Variants in USP19 observed in about 807,000 individuals in gnomAD.
USP19 encodes the protein ubiquitin specific peptidase 19, also known as ubiquitin carboxyl-terminal hydrolase 19.
Under a neutral mutation model 144.8 loss-of-function variants are expected in USP19, and 40 were observed. The ratio of observed to expected loss-of-function variants is 0.28; its 90% CI spans 0.21 to 0.36. The LOEUF (loss-of-function observed/expected upper bound fraction) is 0.36, where lower values mean the gene tolerates loss of function less well. USP19 is among the 10% of genes least tolerant of loss of function. USP19 has a pLI of 1.00. For missense variants in USP19, 1,518 were observed against 1,822.5 expected (o/e 0.83, Z 3.04); for synonymous variants, 701 against 709.3 (o/e 0.99, Z 0.19).
intron 17 of USP19, among the ~76,000 whole-genome samples, chr3:49,113,319 C>T (rs2043488988): frequency 1.3e-5 from 2 of 152,134 alleles, no homozygotes; most frequent in African/African-American, 2.4e-5. Flanking sequence ...CTCTGTCACC[C>T]AGGCTGGAGT....
rs374037563 is a variant in USP19, at chr3:49,113,516, G to A, written c.2505+476C>T. On this transcript the variant is annotated intron_variant, in intron 17 of 26. Coordinates refer to ENST00000417901, the MANE Select transcript of USP19 (RefSeq NM_001199161.2). ...GGTGGTCTGGATCTCCTGACCTTGT[G>A]ATCCATCAGCCTTGGCCTCCCAAAG... 1.5e-3 allele frequency among the ~76,000 whole-genome samples: 224 copies of A among 152,246 alleles called. 8 individuals carry two copies. In the South Asian group the frequency reaches 0.045, roughly 31 times the overall value.
chr3:49,113,331 C>T (rs2043491851), intron 17 of USP19, among the ~76,000 whole-genome samples: 1 of 152,058 alleles, frequency 6.6e-6, no homozygotes, highest in Admixed American at 6.6e-5. Flanking sequence ...GGCTGGAGTG[C>T]AGTGGCGCGA....
At position 49,110,148 on chromosome 3, in the gene USP19, C is replaced by T. The variant is rs779211724; in HGVS notation, c.4038+36G>A. The T allele has an allele frequency of 6.0e-6, 9 of 1,491,728 alleles. No individual in the cohort carries two copies. The highest frequency in any genetic ancestry group is 1.8e-4 in the Middle Eastern group (1 of 5,524). 92.4% of individuals were successfully genotyped at this position (1,491,728 alleles called of 1,614,324 possible). A position where few individuals can be genotyped will look rare whatever the true frequency, so the allele number is the denominator to read the frequency against. Reference sequence around the variant, plus strand: ...AACCCGGCCCCAGTCTGTGAACTGTCCCCCAGTATTCTGTAAAGCCTCCCA... The same window carrying T: ...AACCCGGCCCCAGTCTGTGAACTGTTCCCCAGTATTCTGTAAAGCCTCCCA... On this transcript the variant is annotated intron_variant, in intron 26 of 26. Transcript: ENST00000417901. The surrounding 1 kb of genome is among the most constrained non-coding windows in gnomAD (Gnocchi z 6.1).
rs760657712 is a variant in USP19 at position 49,115,410 on chromosome 3, T to C, written c.1888+34A>G. On this transcript the variant is annotated intron_variant, in intron 12 of 26. Coordinates refer to ENST00000417901, the MANE Select transcript of USP19 (RefSeq NM_001199161.2). This position sits in a 1 kb window ranked among gnomAD's most constrained non-coding sequence, Gnocchi z 6.6. The stretch of plus-strand genomic sequence containing the variant: ...GTGTGAGGAACAAAGGCACTCTCTC[T>C]GCCCATAACCCAGGCTCCAGGCCCT... The C allele has an allele frequency of 3.1e-6, 5 of 1,613,640 alleles. No homozygotes were observed. In the African/African-American group the frequency reaches 6.7e-5, roughly 22 times the overall value.
At position 49,111,860 on chromosome 3, in the gene USP19, A is replaced by G; in HGVS notation, c.2904-47T>C. The G allele has an allele frequency of 6.2e-7, 1 of 1,603,870 alleles. No individual in the cohort carries two copies. Among genetic ancestry groups the G allele is most frequent in the Non-Finnish European group, 8.5e-7 (1 of 1,173,872 alleles). On this transcript the variant is annotated intron_variant, in intron 20 of 26. Transcript: ENST00000417901. This position sits in a 1 kb window ranked among gnomAD's most constrained non-coding sequence, Gnocchi z 5.9. The stretch of plus-strand genomic sequence containing the variant: ...AGTAAGACTCCTGACCAGCCCATCT[A>G]GCACCTCTGCCCCCACCTACACCAC...
rs748957803 is a variant in USP19, at chr3:49,112,054, G to A, written c.2766-6C>T. 9.9e-6 allele frequency: 16 copies of A among 1,613,670 alleles called. No homozygotes were observed. The highest frequency in any genetic ancestry group is 4.0e-5 in the African/African-American group (3 of 74,932). On this transcript the variant is annotated splice_region_variant and splice_polypyrimidine_tract_variant and intron_variant, in intron 19 of 26. Transcript: ENST00000417901. The surrounding 1 kb of genome is among the most constrained non-coding windows in gnomAD (Gnocchi z 4.9). Reference sequence around the variant, plus strand: ...AGTGGGTTTTCTGGCAGAGCCTGACGGGAAGAGGAAGACAAGGATAGGCCC... The same window carrying A: ...AGTGGGTTTTCTGGCAGAGCCTGACAGGAAGAGGAAGACAAGGATAGGCCC...
chr3:49,118,477 T>C lies in USP19; in HGVS notation c.125-357A>G, dbSNP rs144254194. Among the ~76,000 whole-genome samples the C allele has an allele frequency of 5.9e-3, 896 of 150,846 alleles. 9 individuals are homozygous for C. Among genetic ancestry groups the C allele is most frequent in the African/African-American group, 0.021 (853 of 41,020 alleles). Reference sequence around the variant, plus strand: ...CAGCTACTTGGGAGGCTGAGGCTACTTGGGAGGCTGAGGCAGCAGAATCAC... The same window carrying C: ...CAGCTACTTGGGAGGCTGAGGCTACCTGGGAGGCTGAGGCAGCAGAATCAC... On this transcript the variant is annotated intron_variant, in intron 2 of 26. Transcript: ENST00000417901.
Position 49,111,005 on chromosome 3 carries a change from C to T in USP19, c.3490G>A (p.Asp1164Asn), listed in dbSNP as rs1319397356. 4.3e-6 allele frequency: 7 copies of T among 1,613,928 alleles called. No individual in the cohort carries two copies. The highest frequency in any genetic ancestry group is 1.7e-6 in the Non-Finnish European group (2 of 1,180,042). Residue 1164 changes from aspartate to asparagine, a missense_variant, in exon 23 of 27, where the codon GAC (aspartate) becomes AAC (asparagine). Transcript: ENST00000417901. This position sits in a 1 kb window ranked among gnomAD's most constrained non-coding sequence, Gnocchi z 5.9. ...EAARAGHFTL[D>N]QCLNLFTRPE... ...CGTGTGAAGAGGTTGAGGCACTGGTCCAGGGTGAAGTGGCCGGCCCGGGCA... is the reference window on the plus strand; with the variant it reads ...CGTGTGAAGAGGTTGAGGCACTGGTTCAGGGTGAAGTGGCCGGCCCGGGCA...
Position 49,117,107 on chromosome 3 carries a change from AGGGTCAT to A in USP19, c.854_860del (p.Asp285ValfsTer29). On this transcript the variant is annotated frameshift_variant, in exon 6 of 27. Coordinates refer to ENST00000417901, the MANE Select transcript of USP19 (RefSeq NM_001199161.2). LOFTEE classifies it high-confidence loss of function. This position sits in a 1 kb window ranked among gnomAD's most constrained non-coding sequence, Gnocchi z 4.4. ...AGGGTGGGGCATCACCCCGGGGTCC[AGGGTCAT>A]CCCTGGACCCGTCCCCCTCTGGCCC... The A allele has an allele frequency of 6.5e-7, 1 of 1,531,854 alleles. No homozygotes were observed. The highest frequency in any genetic ancestry group is 8.8e-7 in the Non-Finnish European group (1 of 1,136,794). 94.9% of individuals were successfully genotyped at this position (1,531,854 alleles called of 1,614,324 possible). A position where few individuals can be genotyped will look rare whatever the true frequency, so the allele number is the denominator to read the frequency against.
rs2043829145 is a variant in USP19, at chr3:49,114,939, C to T, written c.2181+20G>A. The T allele has an allele frequency of 6.2e-7, 1 of 1,614,158 alleles. No homozygotes were observed. On this transcript the variant is annotated intron_variant, in intron 14 of 26. Coordinates refer to ENST00000417901, the MANE Select transcript of USP19 (RefSeq NM_001199161.2). This position sits in a 1 kb window ranked among gnomAD's most constrained non-coding sequence, Gnocchi z 4.5. ...TGGGATGCTCATGAGACATGCCCACCCTCTGTCCCTAACCCTGACCTCATC... is the reference window on the plus strand; with the variant it reads ...TGGGATGCTCATGAGACATGCCCACTCTCTGTCCCTAACCCTGACCTCATC...
At position 49,116,410 on chromosome 3, in the gene USP19, C is replaced by T. The variant is rs777968375; in HGVS notation, c.1283+41G>A. On this transcript the variant is annotated intron_variant, in intron 8 of 26. Transcript: ENST00000417901. The surrounding 1 kb of genome is among the most constrained non-coding windows in gnomAD (Gnocchi z 5.0). ...AGAGGAAGAGCATGAGACATACTGT[C>T]CCACCTGAGGCATTGTTTGCCCCAT... is the stretch of plus-strand genomic sequence containing the variant. 1.2e-6 allele frequency: 2 copies of T among 1,613,990 alleles called. No homozygotes were observed. Among genetic ancestry groups the T allele is most frequent in the East Asian group, 2.2e-5 (1 of 44,872 alleles).
intron 17 of USP19, among the ~76,000 whole-genome samples, chr3:49,113,745 T>C (rs2043592338): frequency 6.6e-6 from 1 of 152,128 alleles, no homozygotes; most frequent in Admixed American, 6.6e-5. Flanking sequence ...CTATAACACG[T>C]ACCACCATGC....
Position 49,116,777 on chromosome 3 carries a change from C to A in USP19, c.1076G>T (p.Cys359Phe), listed in dbSNP as rs1159084027. 6.8e-6 allele frequency: 11 copies of A among 1,613,742 alleles called. No homozygotes were observed. Among genetic ancestry groups the A allele is most frequent in the Admixed American group, 3.3e-5 (2 of 59,986 alleles). The change falls in exon 7 of 27, where the codon TGT becomes TTT. Residue 359 changes from cysteine (C) to phenylalanine (F), a missense_variant. Transcript: ENST00000417901. The surrounding 1 kb of genome is among the most constrained non-coding windows in gnomAD (Gnocchi z 5.0). The part of the protein sequence containing the change: ...VRSRNPGKDD[C>F]AKEEMAVAAD... The stretch of plus-strand genomic sequence containing the variant: ...TGCCACTGCCATCTCCTCCTTGGCA[C>A]AGTCATCTTTCCCAGGGTTTCTGCT...
At chr3:49,109,832 G>A (rs948206986) in intron 26 of USP19, among the ~76,000 whole-genome samples, 3 of 152,220 alleles carry the variant, frequency 2.0e-5, no homozygotes, top group Non-Finnish European at 4.4e-5. Flanking sequence ...ACAAGTGAGG[G>A]TGTGTGGGCC....
intron 17 of USP19, among the ~76,000 whole-genome samples, chr3:49,113,532 C>A (rs1360102449): frequency 6.6e-6 from 1 of 152,010 alleles, no homozygotes; most frequent in Non-Finnish European, 1.5e-5. Flanking sequence ...TCAGCCTTGG[C>A]CTCCCAAAGA....
chr3:49,109,193 A>G (rs1352549321), intron 26 of USP19: 3 of 1,462,862 alleles, frequency 2.1e-6, no homozygotes, highest in East Asian at 2.5e-5. Context: ...AGCCTAGGGT[A>G]TGTGGAAACG....
In USP19 at chr3:49,115,153, T is replaced by C. The variant is rs551909071; in HGVS notation, c.2023-36A>G. The C allele has an allele frequency of 6.2e-7, 1 of 1,613,120 alleles. No homozygotes were observed. Among genetic ancestry groups the C allele is most frequent in the Admixed American group, 1.7e-5 (1 of 60,002 alleles). ...GAGCCAAGGTGTGAACATGAAGCCCTAGCACCCACTGCACACCCAGCTGGC... is the reference window on the plus strand; with the variant it reads ...GAGCCAAGGTGTGAACATGAAGCCCCAGCACCCACTGCACACCCAGCTGGC... On this transcript the variant is annotated intron_variant, in intron 13 of 26. Coordinates refer to ENST00000417901, the MANE Select transcript of USP19 (RefSeq NM_001199161.2). This position sits in a 1 kb window ranked among gnomAD's most constrained non-coding sequence, Gnocchi z 6.6.
intron 26 of USP19, among the ~76,000 whole-genome samples, chr3:49,109,472 A>C (rs940748365): frequency 1.3e-5 from 2 of 152,194 alleles, no homozygotes. Context: ...ATTTCAGTCC[A>C]GGCCTCCCCA....
In USP19 at chr3:49,112,188, A is replaced by G. The variant is rs1393622316; in HGVS notation, c.2765+96T>C. On this transcript the variant is annotated intron_variant, in intron 19 of 26. Coordinates refer to ENST00000417901, the MANE Select transcript of USP19 (RefSeq NM_001199161.2). The surrounding 1 kb of genome is among the most constrained non-coding windows in gnomAD (Gnocchi z 4.9). ...CCTGGTAAAGTAGGGTGGCAAGTAG[A>G]AAGCTTAAGCATATGTGCCTTGGTG... 2.6e-6 allele frequency: 4 copies of G among 1,541,944 alleles called. No homozygotes were observed. In the East Asian group the frequency reaches 9.6e-5, roughly 37 times the overall value.
Sources: gnomAD v4.1 joint callset for allele counts (sites outside exome capture counted in the v4.1 genomes callset) on GRCh38, gnomAD v4.1.1 for gene constraint, Gnocchi (gnomAD v3.1) non-coding constraint, MANE v1.5 for transcripts, NCBI Gene and HGNC (gene_info 2026-07-23, HGNC 2026-07-21) for gene names.